PTPRT: variants seen among roughly 807,000 people sequenced by gnomAD.
PTPRT encodes receptor-type tyrosine-protein phosphatase T.
A neutral mutation model predicts 176.8 loss-of-function variants in PTPRT; 56 were observed. The observed-to-expected ratio is 0.32, with a 90% CI of 0.26 to 0.40. The LOEUF (loss-of-function observed/expected upper bound fraction) is 0.40. Ranked by LOEUF, PTPRT falls within the 10% of genes least tolerant of loss-of-function variation. PTPRT has a pLI of 1.00. For missense variants in PTPRT, 1,540 were observed against 1,908.2 expected (o/e 0.81, Z 3.60); for synonymous variants, 783 against 739.0 (o/e 1.06, Z -0.96).
intron 16 of PTPRT, among the ~76,000 whole-genome samples, chr20:42,169,290 G>A (rs1989970024): frequency 6.6e-6 from 1 of 152,096 alleles, no homozygotes; most frequent in Admixed American, 6.5e-5. Flanking sequence ...AACAGTCATG[G>A]GAAAATGCTT....
chr20:42,092,944 A>G (rs980601194), intron 27 of PTPRT, among the ~76,000 whole-genome samples: 2 of 152,182 alleles, frequency 1.3e-5, no homozygotes, highest in Admixed American at 6.5e-5. Flanking sequence ...CCCAGAACAG[A>G]GCAACTCAGC....
chr20:42,224,487 A>T (rs1191095393), intron 15 of PTPRT, among the ~76,000 whole-genome samples: 1 of 152,164 alleles, frequency 6.6e-6, no homozygotes. Context: ...ACTCAAACTC[A>T]TGTTTATCTG....
In PTPRT at chr20:43,143,907, T is replaced by C. The variant is rs535403252; in HGVS notation, c.88+45739A>G. Among the ~76,000 whole-genome samples, 19 of 152,260 alleles carry C rather than the reference T, an allele frequency of 1.2e-4. No homozygotes were observed. In the East Asian group the frequency reaches 2.7e-3, roughly 22 times the overall value. On this transcript the variant is annotated intron_variant, in intron 1 of 30. Coordinates refer to ENST00000373187, the MANE Select transcript of PTPRT (RefSeq NM_007050.6). ...CCACCTAACGCATGAGTGCCTTCTATAGGGTCACAAGGTGCTGCTACATCT... is the reference window on the plus strand; with the variant it reads ...CCACCTAACGCATGAGTGCCTTCTACAGGGTCACAAGGTGCTGCTACATCT...
intron 23 of PTPRT, among the ~76,000 whole-genome samples, chr20:42,108,474 T>TAATAGCACAATATGTATAA (rs1986693403): frequency 6.6e-6 from 1 of 152,168 alleles, no homozygotes; most frequent in Non-Finnish European, 1.5e-5. Flanking sequence ...CTCACAGCAT[T>TAATAGCACAATATGTATAA]AATAGCACAA....
At chr20:42,255,340 A>C (rs1268503396) in intron 13 of PTPRT, among the ~76,000 whole-genome samples, 6 of 152,242 alleles carry the variant, frequency 3.9e-5, no homozygotes. Flanking sequence ...ATCAAATGTA[A>C]TAATGGAGGG....
At chr20:42,410,903 TG>T (rs1299733062) in intron 9 of PTPRT, among the ~76,000 whole-genome samples, 4 of 152,050 alleles carry the variant, frequency 2.6e-5, no homozygotes, top group Non-Finnish European at 5.9e-5. Context: ...TCAAACTATG[TG>T]TGGCAGTGGG....
chr20:42,594,668 C>T (rs1002829259), intron 7 of PTPRT, among the ~76,000 whole-genome samples: 2 of 152,140 alleles, frequency 1.3e-5, no homozygotes, highest in African/African-American at 4.8e-5. Context: ...AGAAGGGTAG[C>T]GTCCCTAGAA....
intron 7 of PTPRT, among the ~76,000 whole-genome samples, chr20:42,625,889 CA>C (rs1241532367): frequency 6.6e-6 from 1 of 151,080 alleles, no homozygotes; most frequent in East Asian, 2.0e-4. Context: ...TTACCTAATC[CA>C]TTCTGATTTT....
intron 7 of PTPRT, among the ~76,000 whole-genome samples, chr20:42,572,474 G>A (rs1381417930): frequency 1.3e-5 from 2 of 151,832 alleles, no homozygotes; most frequent in Non-Finnish European, 2.9e-5. Flanking sequence ...CACAGGCCAT[G>A]CTCTCATTTA....
At chr20:43,011,987 T>C (rs1985153375) in intron 1 of PTPRT, among the ~76,000 whole-genome samples, 2 of 152,198 alleles carry the variant, frequency 1.3e-5, no homozygotes, top group South Asian at 2.1e-4. Context: ...CTTACACCAG[T>C]GACTTGCTAG....
rs149592730 is a variant in PTPRT at position 42,865,472 on chromosome 20, G to A, written c.214+20335C>T. ...ATTCATTGAGGGCATTCTGGTGCCAGTTTTAGGAGCTGAGGACACATAGCT... is the reference window on the plus strand; with the variant it reads ...ATTCATTGAGGGCATTCTGGTGCCAATTTTAGGAGCTGAGGACACATAGCT... On this transcript the variant is annotated intron_variant, in intron 2 of 30. Transcript: ENST00000373187. Among the ~76,000 whole-genome samples, 334 of 152,340 alleles carry A rather than the reference G, an allele frequency of 2.2e-3. 1 individual carries two copies. The highest frequency in any genetic ancestry group is 7.3e-3 in the African/African-American group (303 of 41,570).
At chr20:42,088,396 C>G (rs192905241) in intron 27 of PTPRT, among the ~76,000 whole-genome samples, 3 of 152,118 alleles carry the variant, frequency 2.0e-5, no homozygotes, top group Admixed American at 2.0e-4. Context: ...ACTTCGTGGC[C>G]GAAGAACAGC....
At chr20:42,398,874 T>C (rs143164662) in intron 9 of PTPRT, among the ~76,000 whole-genome samples, 57 of 152,368 alleles carry the variant, frequency 3.7e-4, no homozygotes, top group Middle Eastern at 6.8e-3. Context: ...GTCATTCAAG[T>C]AGCCATAGTC....
the PTPRT span, among the ~76,000 whole-genome samples, chr20:42,044,528 G>T: frequency 9.2e-5 from 14 of 152,230 alleles, no homozygotes; most frequent in Non-Finnish European, 1.8e-4. Flanking sequence ...TGTCCTCCAT[G>T]TCTGTTGGCC....
intron 23 of PTPRT, among the ~76,000 whole-genome samples, chr20:42,108,779 C>A (rs992807304): frequency 2.0e-5 from 3 of 152,132 alleles, no homozygotes; most frequent in Non-Finnish European, 4.4e-5. Context: ...CAGGCATTCT[C>A]TCTTAGGCAC....
intron 6 of PTPRT, among the ~76,000 whole-genome samples, chr20:42,696,548 C>A (rs930834823): frequency 6.6e-6 from 1 of 151,690 alleles, no homozygotes; most frequent in East Asian, 1.9e-4. Flanking sequence ...CTCTTCCCCC[C>A]GGGTTCACAC....
Position 42,472,357 on chromosome 20 carries a change from G to A in PTPRT, c.1359C>T (p.Arg453=), listed in dbSNP as rs563419047. The change falls in exon 8 of 31, where the codon CGC becomes CGT. Residue 453 remains arginine (R), a synonymous_variant. Coordinates refer to ENST00000373187, the MANE Select transcript of PTPRT (RefSeq NM_007050.6). ...GTCGCAGCCGGATGGTCATGAAGGG[G>A]CGCAGGCCTCGCAGGGTGTAGTGGG... is the stretch of plus-strand genomic sequence containing the variant. The part of the protein sequence containing the change: ...TSSHYTLRGL[R]PFMTIRLRLL... 15 of 1,614,244 alleles carry A rather than the reference G, an allele frequency of 9.3e-6. No homozygotes were observed. In the East Asian group the frequency reaches 2.9e-4, roughly 31 times the overall value.
intron 7 of PTPRT, among the ~76,000 whole-genome samples, chr20:42,664,759 G>T (rs917540987): frequency 6.6e-5 from 10 of 152,018 alleles, no homozygotes; most frequent in African/African-American, 2.4e-4. Context: ...AAAGTCACCA[G>T]TGGAACAGAA....
chr20:42,769,997 G>A (rs115028276), intron 5 of PTPRT, among the ~76,000 whole-genome samples: 1,721 of 152,278 alleles, frequency 0.011, 37 homozygotes, highest in African/African-American at 0.04. Context: ...ACATGGGGAC[G>A]GAACTTTGGA....
Sources: gnomAD v4.1 joint callset for allele counts (sites outside exome capture counted in the v4.1 genomes callset) on GRCh38, gnomAD v4.1.1 for gene constraint, MANE v1.5 for transcripts, NCBI Gene and HGNC (gene_info 2026-07-23, HGNC 2026-07-21) for gene names.